Variants in CNTNAP2 observed in about 807,000 individuals in gnomAD.
CNTNAP2 encodes contactin associated protein 2, also known as contactin-associated protein-like 2.
A neutral mutation model predicts 155.2 loss-of-function variants in CNTNAP2; 98 were observed. The observed-to-expected ratio is 0.63, with a 90% CI of 0.54 to 0.75. CNTNAP2 has a LOEUF of 0.75. Ranked by LOEUF, CNTNAP2 falls within the 30% of genes least tolerant of loss-of-function variation. The probability of loss-of-function intolerance (pLI) is 0.00; values close to 1 mark genes in which losing one functional copy is unlikely to be tolerated. For missense variants in CNTNAP2, 1,727 were observed against 1,688.1 expected, an observed-to-expected ratio of 1.02 and a Z score of -0.40; for synonymous variants, 651 against 631.2, an observed-to-expected ratio of 1.03 and a Z score of -0.47.
chr7:147,089,968 A>G (rs756638414), intron 4 of CNTNAP2, among the ~76,000 whole-genome samples: 23 of 152,216 alleles, frequency 1.5e-4, no homozygotes, highest in African/African-American at 4.8e-5. Context: ...GAAGCAGAGT[A>G]GACTGAATTA....
At chr7:147,819,057 G>C (rs1048232771) in intron 13 of CNTNAP2, among the ~76,000 whole-genome samples, 7 of 152,124 alleles carry the variant, frequency 4.6e-5, no homozygotes, top group Non-Finnish European at 1.5e-5. Context: ...TTGGTTTACA[G>C]GTAATTTAAG....
At chr7:147,308,307 C>G (rs1018193238) in intron 9 of CNTNAP2, among the ~76,000 whole-genome samples, 1 of 152,068 alleles carries the variant, frequency 6.6e-6, no homozygotes, top group African/African-American at 2.4e-5. Context: ...AAGGTTGGAC[C>G]GAGTGAATCT....
chr7:146,247,269 T>G (rs1301224668), intron 1 of CNTNAP2, among the ~76,000 whole-genome samples: 1 of 152,158 alleles, frequency 6.6e-6, no homozygotes, highest in Non-Finnish European at 1.5e-5. Context: ...TGACTATGCC[T>G]TTAGCTTCAG....
At chr7:147,164,970 C>A (rs1802089102) in intron 8 of CNTNAP2, among the ~76,000 whole-genome samples, 1 of 152,144 alleles carries the variant, frequency 6.6e-6, no homozygotes. Context: ...AAACACTTGT[C>A]AAAGAATGAC....
intron 13 of CNTNAP2, among the ~76,000 whole-genome samples, chr7:147,784,131 C>T (rs969193359): frequency 3.3e-5 from 5 of 151,810 alleles, no homozygotes; most frequent in African/African-American, 9.7e-5. Flanking sequence ...CCAGATATCC[C>T]CTTTTTATAA....
At chr7:146,408,241 T>C (rs6955314) in intron 1 of CNTNAP2, among the ~76,000 whole-genome samples, 62,456 of 151,640 alleles carry the variant, frequency 0.41, 14,649 homozygotes, top group African/African-American at 0.64. Flanking sequence ...AAGCAATTCA[T>C]TGCACTTTAT....
At chr7:146,591,808 A>C (rs1798787926) in intron 1 of CNTNAP2, among the ~76,000 whole-genome samples, 2 of 152,186 alleles carry the variant, frequency 1.3e-5, no homozygotes, top group Non-Finnish European at 2.9e-5. Context: ...CTATAATTCC[A>C]GTCCTGCCTG....
chr7:148,124,628 A>T (rs929735969), intron 16 of CNTNAP2, among the ~76,000 whole-genome samples: 3 of 152,134 alleles, frequency 2.0e-5, no homozygotes, highest in Admixed American at 2.0e-4. Context: ...ACATAATTTC[A>T]TTGAGAGCTT....
chr7:146,247,428 A>G (rs1210255053), intron 1 of CNTNAP2, among the ~76,000 whole-genome samples: 3 of 152,100 alleles, frequency 2.0e-5, no homozygotes, highest in South Asian at 2.1e-4. Context: ...GACCTAGCTC[A>G]GCCTGGCCAG....
chr7:147,513,026 A>T (rs1255349173), intron 11 of CNTNAP2, among the ~76,000 whole-genome samples: 1 of 152,218 alleles, frequency 6.6e-6, no homozygotes, highest in Non-Finnish European at 1.5e-5. Context: ...AAAGAAAGAA[A>T]AAAACATAAA....
chr7:147,559,998 G>A (rs551204830), intron 11 of CNTNAP2, among the ~76,000 whole-genome samples: 6 of 151,458 alleles, frequency 4.0e-5, no homozygotes, highest in Non-Finnish European at 7.4e-5. Flanking sequence ...GAGAAACCCC[G>A]TCTCCACTAA....
At chr7:147,543,181 C>T (rs60016138) in intron 11 of CNTNAP2, among the ~76,000 whole-genome samples, 5,085 of 152,288 alleles carry the variant, frequency 0.033, 131 homozygotes, top group African/African-American at 0.056. Flanking sequence ...AAGTATCCCT[C>T]ATGGGAAACA....
chr7:147,095,346 C>A (rs1160874148), intron 4 of CNTNAP2, among the ~76,000 whole-genome samples: 1 of 151,864 alleles, frequency 6.6e-6, no homozygotes, highest in African/African-American at 2.4e-5. Context: ...TCTGGGGCAG[C>A]TTTTATGAGA....
intron 9 of CNTNAP2, among the ~76,000 whole-genome samples, chr7:147,340,359 A>C (rs1795740407): frequency 6.6e-6 from 1 of 152,134 alleles, no homozygotes; most frequent in Non-Finnish European, 1.5e-5. Flanking sequence ...TAAATCACAA[A>C]ATACATACCC....
chr7:148,359,418 T>C (rs571384447), intron 21 of CNTNAP2, among the ~76,000 whole-genome samples: 7 of 152,338 alleles, frequency 4.6e-5, no homozygotes, highest in African/African-American at 1.4e-4. Context: ...TTTGAAGACA[T>C]TGTTTTGCCT....
chr7:147,577,382 A>G (rs751426084), intron 12 of CNTNAP2, among the ~76,000 whole-genome samples: 1 of 152,110 alleles, frequency 6.6e-6, no homozygotes, highest in African/African-American at 2.4e-5. Context: ...GCACATTAAT[A>G]TAATAGTTTC....
intron 10 of CNTNAP2, among the ~76,000 whole-genome samples, chr7:147,437,178 A>G (rs1797563685): frequency 6.6e-6 from 1 of 152,108 alleles, no homozygotes; most frequent in African/African-American, 2.4e-5. Flanking sequence ...TTGCTGATAT[A>G]CTGTGAATAT....
At chr7:146,685,785 T>C (rs531044400) in intron 1 of CNTNAP2, among the ~76,000 whole-genome samples, 36 of 152,284 alleles carry the variant, frequency 2.4e-4, no homozygotes, top group African/African-American at 8.4e-4. Flanking sequence ...CTTACTGATA[T>C]ATTTTCTATT....
intron 1 of CNTNAP2, among the ~76,000 whole-genome samples, chr7:146,680,967 A>G (rs1263028203): frequency 1.3e-5 from 2 of 152,150 alleles, no homozygotes; most frequent in African/African-American, 4.8e-5. Flanking sequence ...AGCTGATGAG[A>G]TGAATACTAA....
Sources: allele counts gnomAD v4.1 joint callset (sites outside exome capture counted in the v4.1 genomes callset), GRCh38; gene constraint gnomAD v4.1.1; transcripts MANE v1.5; gene names NCBI Gene and HGNC (gene_info 2026-07-23, HGNC 2026-07-21).